ZBTB44: variants seen among roughly 807,000 people sequenced by gnomAD.
The protein encoded by ZBTB44 is zinc finger and BTB domain-containing protein 44.
In ZBTB44, 15 loss-of-function variants were observed where a neutral mutation model predicts 54.0. That is an observed-to-expected ratio of 0.28 (90% confidence interval 0.19 to 0.43). The LOEUF is 0.43. Among genes scored for constraint, ZBTB44 ranks in the 20% least tolerant of loss-of-function variants. The pLI is 1.00. For synonymous variants in ZBTB44, 230 were observed against 250.1 expected (o/e 0.92, Z 0.76); for missense variants, 487 against 707.1 (o/e 0.69, Z 3.53).
At chr11:130,239,969 T>C (rs1330529739) in intron 2 of ZBTB44, 73 bp from the exon 3 acceptor site, 1 of 1,044,464 alleles carries the variant, frequency 9.6e-7, no homozygotes, top group Non-Finnish European at 1.5e-6. Context: ...GAAAGCTATA[T>C]TATATCTAAG....
In ZBTB44 at chr11:130,314,806, G is replaced by C. The variant is rs1420340500; in HGVS notation, c.-488C>G. 8.0e-6 allele frequency: 1 copy of C among 125,172 alleles called. No homozygotes were observed. The highest frequency in any genetic ancestry group is 3.1e-5 in the African/African-American group (1 of 32,104). 7.8% of individuals were successfully genotyped at this position (125,172 alleles called of 1,614,324 possible). A position where few individuals can be genotyped will look rare whatever the true frequency, so the allele number is the denominator to read the frequency against. On this transcript the variant is annotated 5_prime_UTR_variant, in exon 1 of 8. Transcript: ENST00000357899. The stretch of plus-strand genomic sequence containing the variant: ...GAAGGGGAAGGGGACTGAGGGGAGG[G>C]GAGGGGGAGGTTGGGAGGGAGCCGC...
At chr11:130,302,697 G>A (rs1339643849) in intron 1 of ZBTB44, among the ~76,000 whole-genome samples, 1 of 152,184 alleles carries the variant, frequency 6.6e-6, no homozygotes, top group Admixed American at 6.5e-5. Context: ...ATGAGGGCCG[G>A]GCGTGATGGC....
chr11:130,272,230 C>CAA (rs1024944222), intron 1 of ZBTB44, among the ~76,000 whole-genome samples: 1 of 140,806 alleles, frequency 7.1e-6, no homozygotes, highest in African/African-American at 2.6e-5. Context: ...ACTCCGTCTC[C>CAA]AAAAAAAAAA....
In ZBTB44 at chr11:130,260,963, G is replaced by A. The variant is rs778078968; in HGVS notation, c.911C>T (p.Ser304Phe). 2 of 1,613,966 alleles carry A rather than the reference G, an allele frequency of 1.2e-6. No homozygotes were observed. Among genetic ancestry groups the A allele is most frequent in the East Asian group, 2.2e-5 (1 of 44,880 alleles). The change falls in exon 2 of 8, where the codon TCC becomes TTC. Residue 304 changes from serine (S) to phenylalanine (F), a missense_variant. By Grantham distance (155) the Ser-to-Phe change is radical (BLOSUM62 -2). Transcript: ENST00000357899. ...ACTCTGAGATGCACTGACAGGCTGG[G>A]ACACTTCCTCATGGACCTCCTCATC... Reference protein sequence around the residue: ...LSDEEVHEEVSQPVSASQSSL... With the variant: ...LSDEEVHEEVFQPVSASQSSL...
chr11:130,241,940 T>C (rs1270624946), intron 2 of ZBTB44, among the ~76,000 whole-genome samples: 1 of 152,234 alleles, frequency 6.6e-6, no homozygotes, highest in African/African-American at 2.4e-5. Context: ...TCGGGTTTTC[T>C]ATTAGTTCCA....
chr11:130,247,591 T>C (rs919204295), intron 2 of ZBTB44, among the ~76,000 whole-genome samples: 4 of 152,184 alleles, frequency 2.6e-5, no homozygotes, highest in Non-Finnish European at 5.9e-5. Context: ...AAATAAACGA[T>C]AATGAGAGGA....
chr11:130,288,269 G>A (rs1941090837), intron 1 of ZBTB44, among the ~76,000 whole-genome samples: 1 of 152,184 alleles, frequency 6.6e-6, no homozygotes, highest in East Asian at 1.9e-4. Context: ...AGCTACTTGG[G>A]AGGCTGAGGC....
intron 1 of ZBTB44, among the ~76,000 whole-genome samples, chr11:130,292,159 AT>A (rs1312270129): frequency 6.6e-6 from 1 of 152,202 alleles, no homozygotes; most frequent in African/African-American, 2.4e-5. Context: ...TCTGTTTATC[AT>A]TTAATTGTTG....
At chr11:130,299,629 T>A (rs1303460587) in intron 1 of ZBTB44, among the ~76,000 whole-genome samples, 1 of 149,238 alleles carries the variant, frequency 6.7e-6, no homozygotes, top group Non-Finnish European at 1.5e-5. Context: ...GAATGTCTAA[T>A]GTAATAGTAA....
At chr11:130,239,017 G>A (rs989338050) in intron 3 of ZBTB44, 12 of 158,144 alleles carry the variant, frequency 7.6e-5, no homozygotes, top group Admixed American at 1.3e-4. Flanking sequence ...CTACTTTGAA[G>A]GTTATTGCAG....
At chr11:130,235,070 A>G (rs1017092312) in intron 5 of ZBTB44, among the ~76,000 whole-genome samples, 1 of 149,166 alleles carries the variant, frequency 6.7e-6, no homozygotes, top group Admixed American at 6.6e-5. Context: ...GTCTTATCTT[A>G]GAGGCTTTAT....
chr11:130,310,099 T>G (rs1343952350), intron 1 of ZBTB44: 1 of 152,002 alleles, frequency 6.6e-6, no homozygotes, highest in African/African-American at 2.4e-5. Flanking sequence ...CAGGATCACT[T>G]GAGCTCAGGA....
chr11:130,278,874 C>A lies in ZBTB44; in HGVS notation c.-56-16945G>T, dbSNP rs565568164. On this transcript the variant is annotated intron_variant, in intron 1 of 7. Transcript: ENST00000357899. ...CTTTTTCTCTAGTTCTGTGAACACACTTATGATGGCTATTTTGAAGTCTTT... is the reference window on the plus strand; with the variant it reads ...CTTTTTCTCTAGTTCTGTGAACACAATTATGATGGCTATTTTGAAGTCTTT... Among the ~76,000 whole-genome samples, 4 of 152,246 alleles carry A rather than the reference C, an allele frequency of 2.6e-5. No individual in the cohort carries two copies. In the South Asian group the frequency reaches 8.3e-4, roughly 32 times the overall value.
intron 1 of ZBTB44, among the ~76,000 whole-genome samples, chr11:130,313,938 T>TTGTG (rs202106090): frequency 0.027 from 2,658 of 98,404 alleles, 35 homozygotes; most frequent in African/African-American, 0.042. Context: ...GTGTGTGTGT[T>TTGTG]TGTGTGTGTG....
At chr11:130,308,259 G>A (rs999945541) in intron 1 of ZBTB44, among the ~76,000 whole-genome samples, 3 of 152,112 alleles carry the variant, frequency 2.0e-5, no homozygotes, top group African/African-American at 7.2e-5. Context: ...ATCGCCTAAC[G>A]ACGCATTTCT....
chr11:130,291,763 C>T (rs551325305), intron 1 of ZBTB44, among the ~76,000 whole-genome samples: 5 of 152,208 alleles, frequency 3.3e-5, no homozygotes, highest in Non-Finnish European at 4.4e-5. Flanking sequence ...TCAATCACAT[C>T]TGTACTTCCA....
chr11:130,274,944 C>A (rs1592006662), intron 1 of ZBTB44, among the ~76,000 whole-genome samples: 1 of 152,206 alleles, frequency 6.6e-6, no homozygotes, highest in East Asian at 1.9e-4. Context: ...GGTATTAGTT[C>A]TTTAAATGTT....
chr11:130,269,709 G>A (rs1179514158), intron 1 of ZBTB44, among the ~76,000 whole-genome samples: 1 of 152,094 alleles, frequency 6.6e-6, no homozygotes, highest in Non-Finnish European at 1.5e-5. Context: ...CAAATCTTAG[G>A]TTTTAAATTT....
At chr11:130,263,961 A>G (rs538045739) in intron 1 of ZBTB44, among the ~76,000 whole-genome samples, 1 of 152,312 alleles carries the variant, frequency 6.6e-6, no homozygotes, top group African/African-American at 2.4e-5. Flanking sequence ...CAAGGCCAAG[A>G]CGTATGCCTA....
Sources: allele counts gnomAD v4.1 joint callset (sites outside exome capture counted in the v4.1 genomes callset), GRCh38; gene constraint gnomAD v4.1.1; transcripts MANE v1.5; gene names NCBI Gene and HGNC (gene_info 2026-07-23, HGNC 2026-07-21).